The following ACSM2B variants were observed in gnomAD, a reference collection of about 807,000 sequenced individuals.
ACSM2B encodes acyl-coenzyme A synthetase ACSM2B, mitochondrial.
A neutral mutation model predicts 78.6 loss-of-function variants in ACSM2B; 58 were observed. The ratio of observed to expected loss-of-function variants is 0.74; its 90% CI spans 0.60 to 0.92. The LOEUF is 0.92. ACSM2B is among the 40% of genes least tolerant of loss of function. The pLI is 0.00. For missense variants in ACSM2B, 688 were observed against 711.2 expected (o/e 0.97, Z 0.37); for synonymous variants, 257 against 256.8 (o/e 1.00, Z -0.01).
At chr16:20,553,694 G>A (rs886150061) in intron 5 of ACSM2B, 83 bp downstream of exon 5, 10 of 1,557,446 alleles carry the variant, frequency 6.4e-6, no homozygotes, top group Non-Finnish European at 8.7e-6. Context: ...TGGTGACACA[G>A]CCCAGGAGCA....
At chr16:20,538,361 C>A (rs549607098) in intron 13 of ACSM2B, among the ~76,000 whole-genome samples, 1 of 152,260 alleles carries the variant, frequency 6.6e-6, no homozygotes, top group African/African-American at 2.4e-5. Context: ...ACAGTCATAC[C>A]CATGCATTTA....
In ACSM2B at chr16:20,537,113, G is replaced by T; in HGVS notation, c.*145C>A. On this transcript the variant is annotated 3_prime_UTR_variant, in exon 14 of 14. Coordinates refer to ENST00000329697, the MANE Select transcript of ACSM2B (RefSeq NM_001105069.2). ...TTATTTCAATATCTAACATAGTAATGTTTTGTGCTAATAACCAGGGCAAGA... is the reference window on the plus strand; with the variant it reads ...TTATTTCAATATCTAACATAGTAATTTTTTGTGCTAATAACCAGGGCAAGA... 1.1e-6 allele frequency: 1 copy of T among 936,476 alleles called. No individual in the cohort carries two copies. The highest frequency in any genetic ancestry group is 1.6e-6 in the Non-Finnish European group (1 of 606,208). 58.0% of individuals were successfully genotyped at this position (936,476 alleles called of 1,614,324 possible).
chr16:20,573,459 T>C (rs76534042), intron 1 of ACSM2B, among the ~76,000 whole-genome samples: 48,743 of 140,492 alleles, frequency 0.35, 10,820 homozygotes, highest in East Asian at 0.86. Flanking sequence ...GAGAATGCTG[T>C]CACTACTGGG....
rs267604440 is a variant in ACSM2B at position 20,559,243 on chromosome 16, G to A, written c.382C>T (p.Arg128Ter). The change falls in exon 3 of 14, where the codon CGA (arginine) becomes TGA (stop). Residue 128 changes from arginine to a stop codon, truncating the protein, a stop_gained. Transcript: ENST00000329697. LOFTEE classifies it high-confidence loss of function. ...EWWLVILGCI[R>*]AGLIFMPGTI... ...CAGGTAGTCAGTTACCAACCTGCTCGAATGCAGCCCAGGATCACCAGCCAC... is the reference window on the plus strand; with the variant it reads ...CAGGTAGTCAGTTACCAACCTGCTCAAATGCAGCCCAGGATCACCAGCCAC... 2.5e-5 allele frequency: 40 copies of A among 1,610,712 alleles called. No homozygotes were observed. In the African/African-American group the frequency reaches 2.9e-4, roughly 12 times the overall value.
rs895185901 is a variant in ACSM2B at position 20,555,160 on chromosome 16, A to G, written c.596+109T>C. On this transcript the variant is annotated intron_variant, in intron 4 of 13. Coordinates refer to ENST00000329697, the MANE Select transcript of ACSM2B (RefSeq NM_001105069.2). Reference sequence around the variant, plus strand: ...ATTTCTTCCCAGCTTCACTCTTCCTAGTCCCATGCTGTTCTTCCTGCAACT... The same window carrying G: ...ATTTCTTCCCAGCTTCACTCTTCCTGGTCCCATGCTGTTCTTCCTGCAACT... The G allele has an allele frequency of 1.2e-5, 18 of 1,541,172 alleles. No individual in the cohort carries two copies. In the Admixed American group the frequency reaches 2.2e-4, roughly 18 times the overall value.
intron 4 of ACSM2B, among the ~76,000 whole-genome samples, chr16:20,554,553 T>C (rs1463512354): frequency 6.6e-6 from 1 of 152,188 alleles, no homozygotes; most frequent in Non-Finnish European, 1.5e-5. Context: ...GCTAGAGGGA[T>C]TTCAGACATG....
rs1297704792 is a variant in ACSM2B at position 20,540,706 on chromosome 16, T to A, written c.1577A>T (p.Glu526Val). 6.2e-7 allele frequency: 1 copy of A among 1,614,146 alleles called. No individual in the cohort carries two copies. Among genetic ancestry groups the A allele is most frequent in the Non-Finnish European group, 8.5e-7 (1 of 1,180,002 alleles). The change falls in exon 13 of 14, where the codon GAG becomes GTG. Residue 526 changes from glutamate (E) to valine (V), a missense_variant. By Grantham distance (121) the Glu-to-Val change is moderately radical. Transcript: ENST00000329697. ...CACTGACTTCACATGCTGCTGCAGCTCCTTGGTGAGCTGTTCTGGGTCATG... is the reference window on the plus strand; with the variant it reads ...CACTGACTTCACATGCTGCTGCAGCACCTTGGTGAGCTGTTCTGGGTCATG... ...LSHDPEQLTK[E>V]LQQHVKSVTA...
intron 4 of ACSM2B, chr16:20,554,183 A>G (rs1225749370): frequency 1.6e-6 from 1 of 621,150 alleles, no homozygotes; most frequent in Admixed American, 2.2e-5. Context: ...TATATCTGCA[A>G]AAAAGTGAGA....
intron 2 of ACSM2B, among the ~76,000 whole-genome samples, chr16:20,560,150 C>A (rs80322810): frequency 6.6e-6 from 1 of 150,768 alleles, no homozygotes; most frequent in Non-Finnish European, 1.5e-5. Context: ...ACTCTGTCCC[C>A]GTTACACAAT....
At chr16:20,575,487 C>CAA (rs2016221552) in intron 1 of ACSM2B, 1 of 151,754 alleles carries the variant, frequency 6.6e-6, no homozygotes, top group African/African-American at 2.4e-5. Context: ...GTTTGAGTTC[C>CAA]AAAACTGAAG....
In ACSM2B at chr16:20,542,759, C is replaced by T. The variant is rs114644900; in HGVS notation, c.1509+155G>A. On this transcript the variant is annotated intron_variant, in intron 12 of 13. Coordinates refer to ENST00000329697, the MANE Select transcript of ACSM2B (RefSeq NM_001105069.2). ...ATGAAGAAACTGAGAAACAGAGAGG[C>T]CAAGTAGCTTACCCAAGGTCACATA... The T allele has an allele frequency of 4.7e-3, 4,553 of 967,588 alleles. 150 individuals carry two copies. In the African/African-American group the frequency reaches 0.063, roughly 13 times the overall value. The allele number at this position is 967,588 out of a possible 1,614,324, so 59.9% of individuals were successfully genotyped here.
chr16:20,574,255 C>T (rs1293161952), intron 1 of ACSM2B: 2 of 152,070 alleles, frequency 1.3e-5, no homozygotes, highest in Non-Finnish European at 2.9e-5. Flanking sequence ...GGCAGTCAGA[C>T]CTTATAGTTA....
At chr16:20,542,195 T>C (rs1435345601) in intron 12 of ACSM2B, 2 of 147,998 alleles carry the variant, frequency 1.4e-5, no homozygotes, top group African/African-American at 5.3e-5. Context: ...CATTCGAACT[T>C]ATTGCTGCTA....
chr16:20,547,173 C>T, intron 8 of ACSM2B: 3 of 1,008,058 alleles, frequency 3.0e-6, no homozygotes, highest in Non-Finnish European at 3.6e-6. Context: ...TTGATTGACC[C>T]ACCTCAGAAG....
At chr16:20,551,092 A>ATT (rs1333862299) in intron 6 of ACSM2B, among the ~76,000 whole-genome samples, 1 of 152,200 alleles carries the variant, frequency 6.6e-6, no homozygotes, top group East Asian at 1.9e-4. Context: ...AATGAAAAAG[A>ATT]TTATATATAA....
chr16:20,560,839 G>A (rs1245441093), intron 2 of ACSM2B, among the ~76,000 whole-genome samples: 1 of 152,074 alleles, frequency 6.6e-6, no homozygotes, highest in Non-Finnish European at 1.5e-5. Flanking sequence ...TATGGACAAT[G>A]AAATGCAGGC....
chr16:20,541,540 A>G (rs1421369704), intron 12 of ACSM2B, among the ~76,000 whole-genome samples: 1 of 152,100 alleles, frequency 6.6e-6, no homozygotes, highest in Non-Finnish European at 1.5e-5. Flanking sequence ...CTGGTCAGGA[A>G]TAAGACTCTG....
intron 2 of ACSM2B, among the ~76,000 whole-genome samples, chr16:20,563,512 T>A (rs536369646): frequency 2.0e-5 from 3 of 152,298 alleles, no homozygotes; most frequent in Admixed American, 6.5e-5. Context: ...TTTTATGGAT[T>A]CAGAATGGTG....
intron 8 of ACSM2B, chr16:20,547,385 G>A (rs1179077851): frequency 1.0e-6 from 1 of 985,098 alleles, no homozygotes; most frequent in Non-Finnish European, 1.2e-6. Flanking sequence ...GTTCTACCAA[G>A]GGTACTCATT....
Sources: allele counts gnomAD v4.1 joint callset (sites outside exome capture counted in the v4.1 genomes callset), GRCh38; gene constraint gnomAD v4.1.1; transcripts MANE v1.5; gene names NCBI Gene and HGNC (gene_info 2026-07-23, HGNC 2026-07-21).